The following DIS3L2 variants were observed in gnomAD, a reference collection of about 807,000 sequenced individuals.
DIS3L2 encodes the protein DIS3-like exonuclease 2.
A neutral mutation model predicts 97.5 loss-of-function variants in DIS3L2; 34 were observed. The ratio of observed to expected loss-of-function variants is 0.35; its 90% CI spans 0.27 to 0.46. The LOEUF (loss-of-function observed/expected upper bound fraction) is 0.46, where lower values mean the gene tolerates loss of function less well. Ranked by LOEUF, DIS3L2 falls within the 20% of genes least tolerant of loss-of-function variation. The pLI, the probability that DIS3L2 is intolerant of heterozygous loss-of-function variation, is 1.00. For missense variants in DIS3L2, 1,038 were observed against 1,146.0 expected, an observed-to-expected ratio of 0.91 and a Z score of 1.36; for synonymous variants, 435 against 445.2, an observed-to-expected ratio of 0.98 and a Z score of 0.29.
At chr2:232,227,498 A>C (rs1692681197) in intron 10 of DIS3L2, among the ~76,000 whole-genome samples, 1 of 152,244 alleles carries the variant, frequency 6.6e-6, no homozygotes, top group Non-Finnish European at 1.5e-5. Context: ...TTATTATGAG[A>C]CCACCAGTAT....
chr2:232,186,749 T>C (rs1485673910), intron 9 of DIS3L2, among the ~76,000 whole-genome samples: 3 of 152,226 alleles, frequency 2.0e-5, no homozygotes, highest in Non-Finnish European at 2.9e-5. Flanking sequence ...TAGTATGATT[T>C]ATTCCAGGCA....
intron 6 of DIS3L2, among the ~76,000 whole-genome samples, chr2:232,097,828 C>T (rs1052716753): frequency 4.6e-5 from 7 of 152,158 alleles, no homozygotes; most frequent in South Asian, 4.1e-4. Flanking sequence ...GAGTCTCTCG[C>T]GATAGCCACC....
At chr2:232,320,179 TG>T (rs890838620) in intron 14 of DIS3L2, among the ~76,000 whole-genome samples, 33 of 150,284 alleles carry the variant, frequency 2.2e-4, no homozygotes, top group Admixed American at 9.3e-4. Context: ...CAGAATGTTC[TG>T]GGGGGGGTGG....
intron 5 of DIS3L2, among the ~76,000 whole-genome samples, chr2:232,063,118 T>C (rs1465067490): frequency 6.6e-6 from 1 of 152,198 alleles, no homozygotes; most frequent in Non-Finnish European, 1.5e-5. Flanking sequence ...GCTAGGCTCC[T>C]GCTTCCTCAC....
At chr2:232,081,217 C>G (rs1463057044) in intron 5 of DIS3L2, among the ~76,000 whole-genome samples, 3 of 152,094 alleles carry the variant, frequency 2.0e-5, no homozygotes, top group African/African-American at 7.2e-5. Flanking sequence ...AATCAGGAAG[C>G]ACTTTGGTTC....
At chr2:232,099,060 A>G (rs1292857104) in intron 6 of DIS3L2, among the ~76,000 whole-genome samples, 1 of 152,124 alleles carries the variant, frequency 6.6e-6, no homozygotes, top group Non-Finnish European at 1.5e-5. Flanking sequence ...CGCATTCTTC[A>G]TTGATTAAGA....
At chr2:232,232,485 G>C (rs1333941590) in intron 10 of DIS3L2, among the ~76,000 whole-genome samples, 1 of 152,178 alleles carries the variant, frequency 6.6e-6, no homozygotes, top group Non-Finnish European at 1.5e-5. Context: ...GAAGACATAT[G>C]GGCAGATGTG....
At chr2:232,295,857 C>T (rs772088536) in intron 13 of DIS3L2, among the ~76,000 whole-genome samples, 15 of 152,308 alleles carry the variant, frequency 9.8e-5, no homozygotes, top group African/African-American at 3.1e-4. Flanking sequence ...AAGGATTTAA[C>T]GCTGCTGACT....
intron 4 of DIS3L2, among the ~76,000 whole-genome samples, chr2:232,028,290 C>T (rs1405594950): frequency 6.6e-6 from 1 of 152,054 alleles, no homozygotes; most frequent in Non-Finnish European, 1.5e-5. Flanking sequence ...GGCATTCAAA[C>T]AAAGAGCTGA....
intron 11 of DIS3L2, among the ~76,000 whole-genome samples, chr2:232,241,543 G>A (rs530683597): frequency 1.2e-4 from 19 of 152,312 alleles, no homozygotes; most frequent in African/African-American, 4.6e-4. Flanking sequence ...TCTTTTTGTT[G>A]AGATTTTGCT....
At chr2:232,218,567 C>G (rs912894547) in intron 10 of DIS3L2, among the ~76,000 whole-genome samples, 2 of 152,200 alleles carry the variant, frequency 1.3e-5, no homozygotes, top group East Asian at 3.9e-4. Context: ...TGGGAGTTTC[C>G]TGGGAGGGAG....
In DIS3L2 at chr2:232,015,557, A is replaced by G; in HGVS notation, c.96A>G (p.Pro32=). ...VAGPHDIGAS[P]GDKKSKNRST... ...GTCCACATGACATTGGTGCTTCGCC[A>G]GGTGACAAAAAGTCAAAGAACAGGT... The change falls in exon 3 of 21, where the codon CCA becomes CCG. Residue 32 remains proline, a synonymous_variant. Coordinates refer to ENST00000325385, the MANE Select transcript of DIS3L2 (RefSeq NM_152383.5). The G allele has an allele frequency of 6.2e-7, 1 of 1,614,110 alleles. No individual in the cohort carries two copies. Among genetic ancestry groups the G allele is most frequent in the Non-Finnish European group, 8.5e-7 (1 of 1,179,966 alleles).
chr2:232,338,068 G>GTGT (rs561650428), downstream of DIS3L2, among the ~76,000 whole-genome samples: 965 of 152,048 alleles, frequency 6.3e-3, 30 homozygotes, highest in Admixed American at 0.048. Flanking sequence ...TGGGGGTTTG[G>GTGT]TGTTGGGGTG....
chr2:232,300,921 T>C lies in DIS3L2; in HGVS notation c.1739+802T>C, dbSNP rs139092784. Among the ~76,000 whole-genome samples the C allele has an allele frequency of 2.4e-4, 36 of 152,262 alleles. No individual in the cohort carries two copies. The East Asian group carries it at 6.6e-3, about 28-fold the overall frequency. On this transcript the variant is annotated intron_variant, in intron 14 of 20. Transcript: ENST00000325385. The stretch of plus-strand genomic sequence containing the variant: ...CTCCCACCTCAGCCTCCCAAAGTGC[T>C]GGGATTACAGGTATGAGCCACCACA...
At chr2:232,015,090 T>C (rs78207230) in intron 2 of DIS3L2, 111 bp downstream of exon 2, 1 of 1,009,838 alleles carries the variant, frequency 9.9e-7, no homozygotes, top group South Asian at 1.6e-5. Context: ...ATAATTCTTT[T>C]AGTGACCTGT....
At chr2:232,094,274 A>C (rs891413192) in intron 6 of DIS3L2, among the ~76,000 whole-genome samples, 1 of 152,210 alleles carries the variant, frequency 6.6e-6, no homozygotes, top group Non-Finnish European at 1.5e-5. Context: ...TATGCTAAGG[A>C]AAAGAATGTG....
At chr2:232,340,494 C>T (rs530643109), downstream of DIS3L2, among the ~76,000 whole-genome samples, 35 of 152,174 alleles carry the variant, frequency 2.3e-4, no homozygotes, top group Non-Finnish European at 5.1e-4. Flanking sequence ...GGAGAGCCAT[C>T]TCCTACAGAG....
At chr2:232,139,243 CT>C (rs1001466212) in intron 8 of DIS3L2, among the ~76,000 whole-genome samples, 1 of 152,188 alleles carries the variant, frequency 6.6e-6, no homozygotes, top group African/African-American at 2.4e-5. Flanking sequence ...TCTTTCACCC[CT>C]GTGACTAGCC....
At chr2:232,322,742 A>G (rs559891157) in intron 14 of DIS3L2, among the ~76,000 whole-genome samples, 2 of 152,310 alleles carry the variant, frequency 1.3e-5, no homozygotes, top group African/African-American at 2.4e-5. Context: ...GTGTGGGTGT[A>G]AGAGCGTGTG....
Sources: allele counts gnomAD v4.1 joint callset (sites outside exome capture counted in the v4.1 genomes callset), GRCh38; gene constraint gnomAD v4.1.1; transcripts MANE v1.5; gene names NCBI Gene and HGNC (gene_info 2026-07-23, HGNC 2026-07-21).